LRRC69: variants seen among roughly 807,000 people sequenced by gnomAD.
LRRC69 encodes the protein leucine-rich repeat-containing protein 69.
Under a neutral mutation model 37.8 loss-of-function variants are expected in LRRC69, and 42 were observed. The observed-to-expected ratio is 1.11, with a 90% CI of 0.87 to 1.44. The LOEUF (loss-of-function observed/expected upper bound fraction) is 1.44, where lower values mean the gene tolerates loss of function less well. LRRC69 is among the 40% of genes most tolerant of loss of function. The probability of loss-of-function intolerance (pLI) is 0.00; values close to 1 mark genes in which losing one functional copy is unlikely to be tolerated. For synonymous variants in LRRC69, 141 were observed against 143.1 expected (o/e 0.99, Z 0.11); for missense variants, 357 against 401.9 (o/e 0.89, Z 0.96).
intron 5 of LRRC69, chr8:91,157,610 C>A (rs1238846609): frequency 1.9e-6 from 3 of 1,555,372 alleles, no homozygotes; most frequent in Non-Finnish European, 1.8e-6. Flanking sequence ...GTGGATAAGG[C>A]AGATGAAGAC....
intron 1 of LRRC69, among the ~76,000 whole-genome samples, chr8:91,117,337 G>A (rs958682651): frequency 6.6e-6 from 1 of 151,842 alleles, no homozygotes. Context: ...AACTGAAAAA[G>A]GTACATCTAA....
chr8:91,210,254 A>C (rs977978435), intron 7 of LRRC69, among the ~76,000 whole-genome samples: 1 of 152,164 alleles, frequency 6.6e-6, no homozygotes, highest in African/African-American at 2.4e-5. Context: ...AAATCTATCA[A>C]ATAATAGAAT....
chr8:91,183,903 G>A lies in LRRC69; in HGVS notation c.652-5619G>A, dbSNP rs558011053. Among the ~76,000 whole-genome samples, 12 of 152,278 alleles carry A rather than the reference G, an allele frequency of 7.9e-5. No homozygotes were observed. The East Asian group carries it at 1.2e-3, about 15-fold the overall frequency. ...AAAGGTTTTGTAAGATATGTGAAAC[G>A]AGAAGGTTGAGTGTCAGAGGATTCA... On this transcript the variant is annotated intron_variant, in intron 5 of 7. Coordinates refer to ENST00000448384, the Ensembl canonical transcript of LRRC69.
intron 7 of LRRC69, 103 bp downstream of exon 7, chr8:91,200,895 T>G: frequency 8.9e-7 from 1 of 1,126,434 alleles, no homozygotes; most frequent in Non-Finnish European, 1.2e-6. Context: ...TATGATTGGC[T>G]TATAGGATAG....
rs150322670 is a variant in LRRC69 at position 91,191,125 on chromosome 8, T to A, written c.753+1502T>A. Among the ~76,000 whole-genome samples, 37 of 148,558 alleles carry A rather than the reference T, an allele frequency of 2.5e-4. No individual in the cohort carries two copies. In the East Asian group the frequency reaches 7.1e-3, roughly 29 times the overall value. On this transcript the variant is annotated intron_variant, in intron 6 of 7. Coordinates refer to ENST00000448384, the Ensembl canonical transcript of LRRC69. ...TCTCATAGTACATTTTTAGTTCCTG[T>A]GCATATTATCCCTAAAAATGTAACT...
At chr8:91,105,873 C>G (rs1278099286) in intron 1 of LRRC69, among the ~76,000 whole-genome samples, 2 of 151,970 alleles carry the variant, frequency 1.3e-5, no homozygotes, top group Non-Finnish European at 2.9e-5. Context: ...GTCTCAGGCA[C>G]TCAGAACTGG....
At chr8:91,105,087 A>T (rs1458274870) in intron 1 of LRRC69, among the ~76,000 whole-genome samples, 1 of 151,954 alleles carries the variant, frequency 6.6e-6, no homozygotes, top group Non-Finnish European at 1.5e-5. Context: ...TTAAAGAAGA[A>T]ATTACACCAC....
At chr8:91,215,086 T>A (rs574366204) in intron 7 of LRRC69, among the ~76,000 whole-genome samples, 3 of 152,098 alleles carry the variant, frequency 2.0e-5, no homozygotes, top group Non-Finnish European at 4.4e-5. Context: ...TGTGATTACA[T>A]GGCGCCCACC....
At chr8:91,150,846 CTTCTAGACT>C (rs1315246738) in intron 5 of LRRC69, among the ~76,000 whole-genome samples, 2 of 151,994 alleles carry the variant, frequency 1.3e-5, no homozygotes, top group Admixed American at 6.6e-5. Flanking sequence ...TTATCCATTT[CTTCTAGACT>C]TTCTAGTTTG....
chr8:91,181,572 AG>A (rs772913304), intron 5 of LRRC69, among the ~76,000 whole-genome samples: 44 of 152,198 alleles, frequency 2.9e-4, no homozygotes, highest in Non-Finnish European at 1.3e-4. Flanking sequence ...TTAGTTGTGT[AG>A]GTCAATTACA....
intron 5 of LRRC69, among the ~76,000 whole-genome samples, chr8:91,164,275 G>A (rs1476420299): frequency 1.3e-5 from 2 of 150,704 alleles, no homozygotes; most frequent in South Asian, 2.1e-4. Flanking sequence ...AGAATATAAT[G>A]AGGGTTAAAA....
At chr8:91,159,975 A>C (rs1808908644) in intron 5 of LRRC69, among the ~76,000 whole-genome samples, 3 of 145,474 alleles carry the variant, frequency 2.1e-5, no homozygotes, top group Admixed American at 2.0e-4. Flanking sequence ...AAAACAAAAC[A>C]ACAACAACAA....
intron 6 of LRRC69, among the ~76,000 whole-genome samples, chr8:91,195,867 G>T (rs1255100234): frequency 6.6e-6 from 1 of 151,978 alleles, no homozygotes; most frequent in Non-Finnish European, 1.5e-5. Context: ...ATTGTTATGT[G>T]TGAATTTGAT....
intron 7 of LRRC69, among the ~76,000 whole-genome samples, chr8:91,217,551 T>G (rs990773107): frequency 6.6e-6 from 1 of 152,152 alleles, no homozygotes; most frequent in African/African-American, 2.4e-5. Context: ...TACCCCAGAC[T>G]AATCACCATT....
rs1808585164 is a variant in LRRC69 at position 91,144,612 on chromosome 8, T to C, written c.651+8873T>C. Among the ~76,000 whole-genome samples, 3 of 152,114 alleles carry C rather than the reference T, an allele frequency of 2.0e-5. No individual in the cohort carries two copies. The South Asian group carries it at 6.2e-4, about 32-fold the overall frequency. On this transcript the variant is annotated intron_variant, in intron 5 of 7. Coordinates refer to ENST00000448384, the Ensembl canonical transcript of LRRC69. ...TTCACTTAACTCGTTGCCTACTACT[T>C]ATCCTGACGTCTCTTCTTTTCTTGG...
At chr8:91,128,775 C>G (rs1586233882) in intron 3 of LRRC69, among the ~76,000 whole-genome samples, 1 of 152,022 alleles carries the variant, frequency 6.6e-6, no homozygotes, top group Non-Finnish European at 1.5e-5. Context: ...TCTTTCTGTT[C>G]CCTTTGTTCA....
At chr8:91,157,697 A>G in intron 5 of LRRC69, 1 of 1,599,670 alleles carries the variant, frequency 6.3e-7, no homozygotes, top group Non-Finnish European at 8.6e-7. Flanking sequence ...CACAGGCGGC[A>G]TGAAGCAAAA....
At chr8:91,190,178 G>A (rs928508174) in intron 6 of LRRC69, among the ~76,000 whole-genome samples, 2 of 151,940 alleles carry the variant, frequency 1.3e-5, no homozygotes, top group African/African-American at 4.8e-5. Context: ...TGTAGCTAAT[G>A]TGCAGGATTG....
chr8:91,163,799 AT>A (rs1250634404), intron 5 of LRRC69, among the ~76,000 whole-genome samples: 1 of 150,966 alleles, frequency 6.6e-6, no homozygotes, highest in African/African-American at 2.4e-5. Flanking sequence ...AAATTAAAAG[AT>A]TATAGTTTTA....
Sources: allele counts gnomAD v4.1 joint callset (sites outside exome capture counted in the v4.1 genomes callset), GRCh38; gene constraint gnomAD v4.1.1; transcripts MANE v1.5; gene names NCBI Gene and HGNC (gene_info 2026-07-23, HGNC 2026-07-21).